KCNQ5: variants seen among roughly 807,000 people sequenced by gnomAD.
The protein encoded by KCNQ5 is potassium voltage-gated channel subfamily KQT member 5.
In KCNQ5, 30 loss-of-function variants were observed where a neutral mutation model predicts 98.2. The ratio of observed to expected loss-of-function variants is 0.31; its 90% confidence interval spans 0.23 to 0.41. The LOEUF is 0.41. KCNQ5 is among the 10% of genes least tolerant of loss of function. KCNQ5 has a pLI of 1.00. For missense variants in KCNQ5, 835 were observed against 1,182.5 expected (o/e 0.71, Z 4.31); for synonymous variants, 458 against 449.4 (o/e 1.02, Z -0.24).
chr6:72,877,222 C>CA (rs978870459), intron 1 of KCNQ5, among the ~76,000 whole-genome samples: 2 of 151,942 alleles, frequency 1.3e-5, no homozygotes, highest in African/African-American at 4.8e-5. Flanking sequence ...CTTGCCCCGA[C>CA]CCCCCCGACA....
At chr6:72,883,190 C>T (rs904664394) in intron 1 of KCNQ5, among the ~76,000 whole-genome samples, 12 of 152,318 alleles carry the variant, frequency 7.9e-5, no homozygotes, top group African/African-American at 2.4e-4. Context: ...CCATGCTCTG[C>T]ACTCTCAAAA....
intron 2 of KCNQ5, among the ~76,000 whole-genome samples, chr6:73,028,335 G>A (rs1191805478): frequency 6.6e-6 from 1 of 152,182 alleles, no homozygotes; most frequent in Non-Finnish European, 1.5e-5. Flanking sequence ...GGCCTGGAAT[G>A]TAAGCACGGA....
chr6:73,002,480 G>A (rs1237638365), intron 1 of KCNQ5, among the ~76,000 whole-genome samples: 1 of 152,198 alleles, frequency 6.6e-6, no homozygotes, highest in East Asian at 1.9e-4. Flanking sequence ...ATAACATAGA[G>A]ATAATTGATA....
intron 11 of KCNQ5, among the ~76,000 whole-genome samples, chr6:73,170,803 G>C (rs549031945): frequency 1.3e-4 from 19 of 151,882 alleles, no homozygotes; most frequent in African/African-American, 4.6e-4. Context: ...GTGTGGTGGC[G>C]GGCACCTGTA....
chr6:72,978,713 A>T (rs561306423), intron 1 of KCNQ5, among the ~76,000 whole-genome samples: 1 of 152,250 alleles, frequency 6.6e-6, no homozygotes, highest in Non-Finnish European at 1.5e-5. Flanking sequence ...GTTCTAGGGT[A>T]CATGTGCACA....
rs948641794 is a variant in KCNQ5 at position 72,830,333 on chromosome 6, A to C, written c.399-173575A>C. Among the ~76,000 whole-genome samples, 10 of 152,328 alleles carry C rather than the reference A, an allele frequency of 6.6e-5. No homozygotes were observed. The East Asian group carries it at 9.6e-4, about 15-fold the overall frequency. On this transcript the variant is annotated intron_variant, in intron 1 of 13. Coordinates refer to ENST00000370398, the MANE Select transcript of KCNQ5 (RefSeq NM_019842.4). ...GCATCACACTACCTAACTTCAAACT[A>C]TACTACAAGGCTACAGTAACCAAAA...
intron 10 of KCNQ5, among the ~76,000 whole-genome samples, chr6:73,149,670 G>A (rs1047961771): frequency 2.6e-5 from 4 of 152,052 alleles, no homozygotes; most frequent in African/African-American, 9.7e-5. Flanking sequence ...TGTGGCAGTT[G>A]CCTGTAATCC....
chr6:73,123,310 G>A (rs1007707194), intron 8 of KCNQ5, among the ~76,000 whole-genome samples: 3 of 152,036 alleles, frequency 2.0e-5, no homozygotes, highest in Non-Finnish European at 4.4e-5. Context: ...TGGCCAGGGG[G>A]AAGATCAATT....
chr6:72,850,055 T>TC (rs1241660480), intron 1 of KCNQ5, among the ~76,000 whole-genome samples: 1 of 152,178 alleles, frequency 6.6e-6, no homozygotes, highest in Admixed American at 6.6e-5. Flanking sequence ...GCACACTTAG[T>TC]CAATTTATGA....
intron 1 of KCNQ5, among the ~76,000 whole-genome samples, chr6:72,791,509 T>C (rs553368716): frequency 6.6e-6 from 1 of 152,338 alleles, no homozygotes; most frequent in African/African-American, 2.4e-5. Context: ...TCTTTATCTC[T>C]AGTTCAGGAT....
intron 1 of KCNQ5, among the ~76,000 whole-genome samples, chr6:72,632,315 G>A (rs1394796877): frequency 6.6e-6 from 1 of 151,658 alleles, no homozygotes; most frequent in Non-Finnish European, 1.5e-5. Context: ...TTTTGTTTTT[G>A]TATTTTTAGT....
intron 1 of KCNQ5, among the ~76,000 whole-genome samples, chr6:72,683,400 C>T (rs1767803160): frequency 7.0e-6 from 1 of 142,420 alleles, no homozygotes; most frequent in African/African-American, 2.7e-5. Context: ...CAGAGTCTCG[C>T]TCTGTCGCCC....
At chr6:73,146,921 A>T (rs190575486) in intron 10 of KCNQ5, among the ~76,000 whole-genome samples, 24 of 152,318 alleles carry the variant, frequency 1.6e-4, no homozygotes, top group African/African-American at 5.1e-4. Flanking sequence ...TGTGAGTTTT[A>T]AAAAATTGTT....
intron 1 of KCNQ5, among the ~76,000 whole-genome samples, chr6:72,936,074 G>A (rs1269839180): frequency 6.6e-6 from 1 of 152,012 alleles, no homozygotes; most frequent in Non-Finnish European, 1.5e-5. Context: ...TTGCTTCTCT[G>A]ATCTCCAGAC....
At chr6:73,193,854 T>C (rs1353050623) in intron 13 of KCNQ5, among the ~76,000 whole-genome samples, 1 of 149,790 alleles carries the variant, frequency 6.7e-6, no homozygotes, top group East Asian at 1.9e-4. Context: ...TTTTTTTTTT[T>C]TCAGACAGGG....
chr6:72,724,512 T>G (rs557849384), intron 1 of KCNQ5, among the ~76,000 whole-genome samples: 1 of 152,330 alleles, frequency 6.6e-6, no homozygotes, highest in African/African-American at 2.4e-5. Context: ...AAGGGGTAAT[T>G]GCAGTGGTTG....
chr6:72,981,107 G>C (rs1191985073), intron 1 of KCNQ5, among the ~76,000 whole-genome samples: 1 of 152,162 alleles, frequency 6.6e-6, no homozygotes, highest in African/African-American at 2.4e-5. Context: ...CGGGATATTG[G>C]TCTAAAATTC....
At chr6:72,639,417 A>G (rs930414434) in intron 1 of KCNQ5, among the ~76,000 whole-genome samples, 1 of 152,174 alleles carries the variant, frequency 6.6e-6, no homozygotes, top group African/African-American at 2.4e-5. Flanking sequence ...TGTTAGGAGG[A>G]CATCCAATTT....
chr6:73,109,224 G>A (rs952503252), intron 6 of KCNQ5, among the ~76,000 whole-genome samples: 1 of 152,188 alleles, frequency 6.6e-6, no homozygotes, highest in Non-Finnish European at 1.5e-5. Context: ...ATGCCAATGT[G>A]ATTTTCAGCA....
Sources: allele counts gnomAD v4.1 joint callset (sites outside exome capture counted in the v4.1 genomes callset), GRCh38; gene constraint gnomAD v4.1.1; transcripts MANE v1.5; gene names NCBI Gene and HGNC (gene_info 2026-07-23, HGNC 2026-07-21).